Variants in ROBO2 observed in about 807,000 individuals in gnomAD.
The protein encoded by ROBO2 is roundabout homolog 2.
In ROBO2, 53 loss-of-function variants were observed where a neutral mutation model predicts 160.8. The ratio of observed to expected loss-of-function variants is 0.33; its 90% CI spans 0.26 to 0.41. ROBO2 has a LOEUF of 0.41. Ranked by LOEUF, ROBO2 falls within the 10% of genes least tolerant of loss-of-function variation. ROBO2 has a pLI of 1.00. For missense variants in ROBO2, 1,577 were observed against 1,722.4 expected, an observed-to-expected ratio of 0.92 and a Z score of 1.49; for synonymous variants, 664 against 611.7, an observed-to-expected ratio of 1.09 and a Z score of -1.26.
rs370790043 is a variant in ROBO2 at position 77,127,011 on chromosome 3, C to G, written c.388+28671C>G. 1.1e-4 allele frequency among the ~76,000 whole-genome samples: 17 copies of G among 151,610 alleles called. No homozygotes were observed. The East Asian group carries it at 1.2e-3, about 10-fold the overall frequency. On this transcript the variant is annotated intron_variant, in intron 2 of 25. Transcript: ENST00000461745. The stretch of plus-strand genomic sequence containing the variant: ...TCACCATGTTAGCCAGGATGGTCTC[C>G]ATCTCCTGACCTCATGATCCGCCCG...
chr3:76,906,287 C>T (rs557934932), intron 2 of ROBO2, among the ~76,000 whole-genome samples: 34 of 151,664 alleles, frequency 2.2e-4, no homozygotes, highest in Admixed American at 2.6e-4. Context: ...TAACCAAATA[C>T]GCATAAGATA....
At chr3:76,717,505 A>C (rs1205118461) in intron 2 of ROBO2, among the ~76,000 whole-genome samples, 1 of 151,226 alleles carries the variant, frequency 6.6e-6, no homozygotes, top group Non-Finnish European at 1.5e-5. Context: ...AAAAAAAAAA[A>C]AGAAAAAAGA....
At chr3:76,940,951 C>A (rs542715191) in intron 2 of ROBO2, among the ~76,000 whole-genome samples, 23 of 152,300 alleles carry the variant, frequency 1.5e-4, no homozygotes, top group Non-Finnish European at 2.9e-4. Flanking sequence ...TTTTTCAAAG[C>A]CGCCTCAAAT....
At chr3:76,760,463 C>G (rs1006261452) in intron 2 of ROBO2, among the ~76,000 whole-genome samples, 1 of 151,564 alleles carries the variant, frequency 6.6e-6, no homozygotes, top group African/African-American at 2.4e-5. Context: ...TCTTCTATAG[C>G]CAACCTCCTG....
At chr3:75,944,596 C>T (rs1948199862) in intron 2 of ROBO2, among the ~76,000 whole-genome samples, 1 of 152,122 alleles carries the variant, frequency 6.6e-6, no homozygotes, top group South Asian at 2.1e-4. Flanking sequence ...CATGCCTCAT[C>T]CATCAGCAAC....
intron 2 of ROBO2, among the ~76,000 whole-genome samples, chr3:76,847,907 A>G (rs1269215601): frequency 6.6e-6 from 1 of 152,048 alleles, no homozygotes; most frequent in Non-Finnish European, 1.5e-5. Context: ...TTCCTTTACT[A>G]ATGACATTAA....
At chr3:76,444,217 A>G (rs559319295) in intron 2 of ROBO2, among the ~76,000 whole-genome samples, 7 of 151,998 alleles carry the variant, frequency 4.6e-5, no homozygotes, top group Non-Finnish European at 8.8e-5. Flanking sequence ...TGACCTAGTG[A>G]TCCACCCGCC....
intron 2 of ROBO2, among the ~76,000 whole-genome samples, chr3:76,014,646 G>A (rs1368610422): frequency 3.3e-5 from 5 of 152,112 alleles, no homozygotes; most frequent in Non-Finnish European, 7.4e-5. Context: ...GGCTATTGGC[G>A]ACTGGGCACG....
intron 2 of ROBO2, among the ~76,000 whole-genome samples, chr3:76,198,487 C>T (rs1021386940): frequency 2.6e-5 from 4 of 152,032 alleles, no homozygotes; most frequent in Admixed American, 6.6e-5. Flanking sequence ...ATTACTTTAC[C>T]CCAAAATGTA....
intron 2 of ROBO2, among the ~76,000 whole-genome samples, chr3:76,185,182 A>G (rs1312155273): frequency 1.5e-5 from 2 of 136,738 alleles, no homozygotes; most frequent in Non-Finnish European, 3.2e-5. Context: ...CTAGGCTTCT[A>G]TAAGTAAACA....
At chr3:76,034,096 G>A (rs1379790043) in intron 2 of ROBO2, among the ~76,000 whole-genome samples, 1 of 152,160 alleles carries the variant, frequency 6.6e-6, no homozygotes, top group East Asian at 1.9e-4. Context: ...AGGGGCATAG[G>A]CATGAGCATT....
chr3:76,290,993 CT>C (rs1018531489), intron 2 of ROBO2, among the ~76,000 whole-genome samples: 4 of 152,078 alleles, frequency 2.6e-5, no homozygotes, highest in African/African-American at 9.6e-5. Context: ...GGATATTAGC[CT>C]GAAGTTTTCT....
At chr3:77,159,498 G>A (rs2078302918) in intron 2 of ROBO2, among the ~76,000 whole-genome samples, 1 of 152,154 alleles carries the variant, frequency 6.6e-6, no homozygotes, top group South Asian at 2.1e-4. Context: ...TTTCCACAAG[G>A]AGTGGATGCC....
At chr3:77,606,748 G>A (rs1259551557) in intron 20 of ROBO2, among the ~76,000 whole-genome samples, 1 of 152,154 alleles carries the variant, frequency 6.6e-6, no homozygotes, top group Non-Finnish European at 1.5e-5. Flanking sequence ...ATAATACATT[G>A]CTAAATAGCC....
intron 2 of ROBO2, among the ~76,000 whole-genome samples, chr3:77,117,909 C>G (rs1159355769): frequency 6.6e-6 from 1 of 152,114 alleles, no homozygotes; most frequent in Non-Finnish European, 1.5e-5. Context: ...TTCACACATT[C>G]TCTTGAATTA....
intron 2 of ROBO2, among the ~76,000 whole-genome samples, chr3:76,423,161 CT>C (rs1361615330): frequency 6.6e-6 from 1 of 152,050 alleles, no homozygotes; most frequent in Non-Finnish European, 1.5e-5. Context: ...TCAGTAAAAG[CT>C]TAAGGTCAGG....
chr3:76,546,075 A>G (rs1034935495), intron 2 of ROBO2, among the ~76,000 whole-genome samples: 1 of 151,816 alleles, frequency 6.6e-6, no homozygotes, highest in Non-Finnish European at 1.5e-5. Context: ...ATTATGGCCT[A>G]ATTGGGTGTA....
chr3:76,505,797 G>T (rs936346189), intron 2 of ROBO2, among the ~76,000 whole-genome samples: 1 of 152,112 alleles, frequency 6.6e-6, no homozygotes, highest in Non-Finnish European at 1.5e-5. Context: ...GTTGCCTTAG[G>T]CTACCCATTT....
chr3:77,131,334 G>T (rs545769956), intron 2 of ROBO2, among the ~76,000 whole-genome samples: 31 of 152,280 alleles, frequency 2.0e-4, no homozygotes, highest in African/African-American at 7.5e-4. Flanking sequence ...GCCTTCAGTA[G>T]CTTGCTGTTT....
Sources: gnomAD v4.1 joint callset for allele counts (sites outside exome capture counted in the v4.1 genomes callset) on GRCh38, gnomAD v4.1.1 for gene constraint, MANE v1.5 for transcripts, NCBI Gene and HGNC (gene_info 2026-07-23, HGNC 2026-07-21) for gene names.